The following GSDMC variants were observed in gnomAD, a reference collection of about 807,000 sequenced individuals.
The protein encoded by GSDMC is gasdermin C.
Under a neutral mutation model 58.0 loss-of-function variants are expected in GSDMC, and 59 were observed. The observed-to-expected ratio is 1.02, with a 90% CI of 0.82 to 1.26. GSDMC has a LOEUF of 1.26. GSDMC is among the 50% of genes most tolerant of loss of function. GSDMC has a pLI of 0.00. For synonymous variants in GSDMC, 241 were observed against 220.2 expected (o/e 1.09, Z -0.83); for missense variants, 659 against 598.5 (o/e 1.10, Z -1.06).
chr8:129,745,767 A>G (rs1377765782), downstream of GSDMC, among the ~76,000 whole-genome samples: 3 of 80,872 alleles, frequency 3.7e-5, no homozygotes, highest in East Asian at 5.8e-4. Flanking sequence ...AAAAGGAGGA[A>G]ATTTGAAGAA....
At chr8:129,769,864 C>A (rs1282389085) in intron 3 of GSDMC, among the ~76,000 whole-genome samples, 1 of 152,092 alleles carries the variant, frequency 6.6e-6, no homozygotes, top group Non-Finnish European at 1.5e-5. Context: ...GGAAGTTCAC[C>A]ACTAGATCTG....
intron 3 of GSDMC, 93 bp from the exon 4 acceptor site, chr8:129,765,886 G>A: frequency 8.1e-6 from 8 of 982,116 alleles, no homozygotes; most frequent in South Asian, 6.2e-5. Context: ...GACCTGGGAG[G>A]GGTGCAATGG....
intron 4 of GSDMC, among the ~76,000 whole-genome samples, 168 bp downstream of exon 4, chr8:129,765,460 C>T (rs923443379): frequency 1.1e-4 from 16 of 152,178 alleles, no homozygotes; most frequent in Admixed American, 5.9e-4. Flanking sequence ...AGAATATACT[C>T]TCAGATCAGA....
the GSDMC span, among the ~76,000 whole-genome samples, chr8:129,732,625 A>G: frequency 2.0e-5 from 3 of 152,238 alleles, no homozygotes; most frequent in African/African-American, 4.8e-5. Context: ...TATGGATTGC[A>G]AGGAAGCTCA....
At chr8:129,708,899 C>A in the GSDMC span, among the ~76,000 whole-genome samples, 1 of 152,274 alleles carries the variant, frequency 6.6e-6, no homozygotes, top group East Asian at 1.9e-4. Flanking sequence ...CACCTACTGG[C>A]TGAGTGTCCT....
At chr8:129,751,666 C>A in intron 9 of GSDMC, 98 bp from the exon 10 acceptor site, 1 of 1,202,080 alleles carries the variant, frequency 8.3e-7, no homozygotes. Flanking sequence ...CCTCCTCCCT[C>A]TTACTCAACT....
At chr8:129,752,247 A>C in intron 7 of GSDMC, 100 bp from the exon 8 acceptor site, 2 of 872,850 alleles carry the variant, frequency 2.3e-6, no homozygotes, top group Non-Finnish European at 1.9e-6. Context: ...TAACTCCTCT[A>C]TCCTCCCCTT....
At chr8:129,744,815 C>A (rs780309336), downstream of GSDMC, among the ~76,000 whole-genome samples, 6 of 152,192 alleles carry the variant, frequency 3.9e-5, no homozygotes, top group Non-Finnish European at 5.9e-5. Flanking sequence ...GTATAGGAAA[C>A]TAGAAAACAT....
chr8:129,755,890 A>C (rs542988396), intron 6 of GSDMC, among the ~76,000 whole-genome samples: 1 of 144,044 alleles, frequency 6.9e-6, no homozygotes, highest in African/African-American at 2.5e-5. Flanking sequence ...AACAAAAAGC[A>C]AAAAAAAAAA....
chr8:129,730,057 A>C, the GSDMC span: 2 of 1,141,296 alleles, frequency 1.8e-6, no homozygotes, highest in Non-Finnish European at 2.5e-6. Context: ...CCTTGAAAAT[A>C]AGTAAAGAAG....
chr8:129,776,404 T>G (rs1221535030), intron 2 of GSDMC, 119 bp from the exon 3 acceptor site: 8 of 638,834 alleles, frequency 1.3e-5, no homozygotes, highest in Non-Finnish European at 2.1e-5. Context: ...GCCCCAATCC[T>G]CCCACTCACT....
the GSDMC span, among the ~76,000 whole-genome samples, chr8:129,717,272 T>TC: frequency 1.6e-5 from 2 of 123,820 alleles, no homozygotes; most frequent in Admixed American, 8.2e-5. Flanking sequence ...TTTTTTTTTT[T>TC]ATTGGTAGGC....
chr8:129,758,363 C>T (rs1374943995), intron 6 of GSDMC, among the ~76,000 whole-genome samples: 1 of 152,108 alleles, frequency 6.6e-6, no homozygotes, highest in African/African-American at 2.4e-5. Context: ...GAAGTCTTAG[C>T]TAGAGCAATC....
the GSDMC span, among the ~76,000 whole-genome samples, chr8:129,710,573 G>A: frequency 3.3e-5 from 5 of 152,268 alleles, no homozygotes; most frequent in South Asian, 8.3e-4. Context: ...AAAAGGTGAC[G>A]AATGGCCCAA....
chr8:129,753,293 C>G (rs2033290632), intron 6 of GSDMC, among the ~76,000 whole-genome samples: 1 of 152,182 alleles, frequency 6.6e-6, no homozygotes, highest in Non-Finnish European at 1.5e-5. Flanking sequence ...TGTCCCGCAT[C>G]GTGGATATCA....
rs1586598844 is a variant in GSDMC at position 129,765,667 on chromosome 8, A to G, written c.531T>C (p.Asn177=). The part of the protein sequence containing the change: ...NTVLYDSSSV[N]ILGKIALWIT... ...TCCAAAGAGCAATTTTCCCTAAAAT[A>G]TTCACACTACTGCTATCGTACAGCA... The change falls in exon 4 of 14, where the codon AAT becomes AAC. Residue 177 remains asparagine (N), a synonymous_variant. Transcript: ENST00000276708. 2 of 1,613,608 alleles carry G rather than the reference A, an allele frequency of 1.2e-6. No individual in the cohort carries two copies. Among genetic ancestry groups the G allele is most frequent in the East Asian group, 2.2e-5 (1 of 44,880 alleles).
In GSDMC at chr8:129,776,764, G is replaced by A. The variant is rs186577074; in HGVS notation, c.221-479C>T. Among the ~76,000 whole-genome samples the A allele has an allele frequency of 5.9e-4, 89 of 151,874 alleles. 1 individual carries two copies. Among genetic ancestry groups the A allele is most frequent in the African/African-American group, 2.0e-3 (84 of 41,414 alleles). ...TGTTGTTGTTGTTGTTGTTGTTTTT[G>A]TTGTTGTTGTTGTTTTGAGACAGTC... On this transcript the variant is annotated intron_variant, in intron 2 of 13. Coordinates refer to ENST00000276708, the MANE Select transcript of GSDMC (RefSeq NM_031415.3).
the GSDMC span, among the ~76,000 whole-genome samples, chr8:129,718,637 A>G: frequency 6.6e-6 from 1 of 152,182 alleles, no homozygotes; most frequent in Non-Finnish European, 1.5e-5. Context: ...TTCCTCAAGG[A>G]TCTAGAACCA....
intron 2 of GSDMC, among the ~76,000 whole-genome samples, chr8:129,777,009 A>G (rs1563812860): frequency 3.3e-5 from 5 of 151,620 alleles, no homozygotes; most frequent in Non-Finnish European, 7.4e-5. Context: ...GCCTCAAGTG[A>G]TCTGCCCGCC....
Sources: allele counts gnomAD v4.1 joint callset (sites outside exome capture counted in the v4.1 genomes callset), GRCh38; gene constraint gnomAD v4.1.1; transcripts MANE v1.5; gene names NCBI Gene and HGNC (gene_info 2026-07-23, HGNC 2026-07-21).